The following FGD6 variants were observed in gnomAD, a reference collection of about 807,000 sequenced individuals.
FGD6 encodes the protein FYVE, RhoGEF and PH domain containing 6, also known as FYVE, RhoGEF and PH domain-containing protein 6.
A neutral mutation model predicts 149.4 loss-of-function variants in FGD6; 90 were observed. The observed-to-expected ratio is 0.60, with a 90% confidence interval of 0.51 to 0.72. The LOEUF is 0.72. Ranked by LOEUF, FGD6 falls within the 30% of genes least tolerant of loss-of-function variation. FGD6 has a pLI of 0.00. For synonymous variants in FGD6, 527 were observed against 584.0 expected (o/e 0.90, Z 1.41); for missense variants, 1,437 against 1,684.8 (o/e 0.85, Z 2.57).
intron 2 of FGD6, among the ~76,000 whole-genome samples, chr12:95,193,483 G>A (rs191753064): frequency 2.7e-5 from 4 of 149,222 alleles, no homozygotes; most frequent in African/African-American, 9.9e-5. Context: ...TCAGCCTCCT[G>A]AGTAGCTGGA....
intron 6 of FGD6, among the ~76,000 whole-genome samples, chr12:95,139,472 A>T (rs1219620395): frequency 7.0e-6 from 1 of 143,186 alleles, no homozygotes; most frequent in Admixed American, 7.1e-5. Context: ...ATAAGCCCCA[A>T]TTTTTTTTTT....
chr12:95,172,008 T>C (rs897153057), intron 3 of FGD6, among the ~76,000 whole-genome samples: 13 of 125,572 alleles, frequency 1.0e-4, no homozygotes, highest in Admixed American at 6.2e-4. Context: ...CTACAAAAAA[T>C]TGGTAGCAGT....
intron 5 of FGD6, among the ~76,000 whole-genome samples, chr12:95,142,115 G>A (rs185606461): frequency 2.0e-5 from 3 of 150,552 alleles, no homozygotes; most frequent in Non-Finnish European, 3.0e-5. Context: ...CTACAGGCGC[G>A]TGCCACCATG....
At chr12:95,144,971 G>A (rs1437566213) in intron 5 of FGD6, among the ~76,000 whole-genome samples, 3 of 146,582 alleles carry the variant, frequency 2.0e-5, no homozygotes, top group Non-Finnish European at 4.5e-5. Flanking sequence ...TTACAGGCGT[G>A]AGCCACCGCA....
intron 8 of FGD6, among the ~76,000 whole-genome samples, chr12:95,120,864 TTTTA>T (rs1477035005): frequency 1.3e-5 from 2 of 152,124 alleles, no homozygotes; most frequent in Non-Finnish European, 2.9e-5. Flanking sequence ...TTGGTAACTG[TTTTA>T]TTTGATAGTT....
At position 95,129,287 on chromosome 12, in the gene FGD6, CCATGCATCCATG is replaced by C. The variant is rs202142532; in HGVS notation, c.3082+5440_3082+5451del. Among the ~76,000 whole-genome samples the C allele has an allele frequency of 3.6e-3, 383 of 106,254 alleles. 2 individuals carry two copies. Among genetic ancestry groups the C allele is most frequent in the East Asian group, 0.028 (82 of 2,932 alleles). 69.7% of individuals were successfully genotyped at this position (106,254 alleles called of 152,430 possible). A position where few individuals can be genotyped will look rare whatever the true frequency, so the allele number is the denominator to read the frequency against. On this transcript the variant is annotated intron_variant, in intron 8 of 20. Transcript: ENST00000343958. ...TCCATCCGTCCATGCATCTATGCAT[CCATGCATCCATG>C]CATGCATGCATGCATCCATCCATCC...
intron 20 of FGD6, among the ~76,000 whole-genome samples, chr12:95,083,012 A>AAAATTTATATATATATATATATAT (rs68032073): frequency 5.0e-5 from 1 of 20,018 alleles, no homozygotes; most frequent in Non-Finnish European, 8.3e-5. Flanking sequence ...AAAAAAAAAA[A>AAAATTTATATATATATATATATAT]ATATATATAT....
intron 3 of FGD6, among the ~76,000 whole-genome samples, chr12:95,153,432 C>T (rs969268003): frequency 6.6e-6 from 1 of 152,124 alleles, no homozygotes; most frequent in Non-Finnish European, 1.5e-5. Flanking sequence ...GAGGCCGAGG[C>T]GGGTGGATCA....
At chr12:95,162,243 C>T (rs1880665948) in intron 3 of FGD6, among the ~76,000 whole-genome samples, 1 of 151,836 alleles carries the variant, frequency 6.6e-6, no homozygotes. Flanking sequence ...CCCCAGTTGG[C>T]CAGGTGCGGT....
intron 14 of FGD6, among the ~76,000 whole-genome samples, chr12:95,097,634 C>CAAAAAAAA (rs34057454): frequency 2.1e-4 from 9 of 43,390 alleles, no homozygotes; most frequent in African/African-American, 8.0e-4. Flanking sequence ...GACTCTGTCT[C>CAAAAAAAA]AAAAAAAAAA....
At chr12:95,140,982 T>C (rs568065394) in intron 6 of FGD6, among the ~76,000 whole-genome samples, 38 of 152,220 alleles carry the variant, frequency 2.5e-4, no homozygotes, top group Admixed American at 2.3e-3. Flanking sequence ...CCCAGCACTT[T>C]AGGCAGAGGC....
intron 2 of FGD6, among the ~76,000 whole-genome samples, chr12:95,194,597 G>C (rs938914777): frequency 1.3e-5 from 2 of 151,200 alleles, no homozygotes; most frequent in African/African-American, 4.9e-5. Flanking sequence ...AGGGGTTGAC[G>C]GGAAGAGGTG....
intron 8 of FGD6, chr12:95,116,873 C>T (rs1396279077): frequency 2.2e-6 from 1 of 456,010 alleles, no homozygotes; most frequent in Non-Finnish European, 4.4e-6. Context: ...TCTCCTTAAA[C>T]AGTTAAGAAT....
At chr12:95,085,608 G>T in intron 19 of FGD6, 172 bp downstream of exon 19, 1 of 654,338 alleles carries the variant, frequency 1.5e-6, no homozygotes, top group Non-Finnish European at 2.4e-6. Flanking sequence ...GAGCTCTCCA[G>T]GTACAAAGCA....
chr12:95,191,904 T>G (rs1246236882), intron 2 of FGD6, among the ~76,000 whole-genome samples: 1 of 151,844 alleles, frequency 6.6e-6, no homozygotes, highest in Non-Finnish European at 1.5e-5. Context: ...CCTGGCTAAT[T>G]TTTTTGTATT....
chr12:95,190,229 G>A (rs919603643), intron 2 of FGD6, among the ~76,000 whole-genome samples: 1 of 152,152 alleles, frequency 6.6e-6, no homozygotes, highest in Admixed American at 6.5e-5. Flanking sequence ...GAGTGCAATG[G>A]CACAATCTCG....
chr12:95,185,378 G>A (rs925804031), intron 2 of FGD6, among the ~76,000 whole-genome samples: 6 of 152,078 alleles, frequency 3.9e-5, no homozygotes, highest in Non-Finnish European at 8.8e-5. Context: ...ATAAACATTC[G>A]CTTCTGACAG....
intron 2 of FGD6, among the ~76,000 whole-genome samples, chr12:95,198,471 G>C (rs1403326244): frequency 6.6e-6 from 1 of 151,950 alleles, no homozygotes; most frequent in Non-Finnish European, 1.5e-5. Flanking sequence ...CAAGAGTCTC[G>C]CTCTGTCACC....
chr12:95,085,894 T>C lies in FGD6; in HGVS notation c.3993A>G (p.Thr1331=). The part of the protein sequence containing the change: ...PAALKEVSAN[T]EDSSMSGYLY... ...AGTAGCCACTCATAGAAGAATCCTCTGTGTTTGCTGATACCTAGATAAGAA... is the reference window on the plus strand; with the variant it reads ...AGTAGCCACTCATAGAAGAATCCTCCGTGTTTGCTGATACCTAGATAAGAA... Residue 1331 remains threonine, a synonymous_variant, in exon 19 of 21, where the codon ACA becomes ACG. Coordinates refer to ENST00000343958, the MANE Select transcript of FGD6 (RefSeq NM_018351.4). 6.2e-7 allele frequency: 1 copy of C among 1,605,982 alleles called. No homozygotes were observed. The highest frequency in any genetic ancestry group is 8.5e-7 in the Non-Finnish European group (1 of 1,177,998).
Sources: gnomAD v4.1 joint callset for allele counts (sites outside exome capture counted in the v4.1 genomes callset) on GRCh38, gnomAD v4.1.1 for gene constraint, MANE v1.5 for transcripts, NCBI Gene and HGNC (gene_info 2026-07-23, HGNC 2026-07-21) for gene names.